COL21A1: variants seen among roughly 807,000 people sequenced by gnomAD.
COL21A1 encodes collagen type XXI alpha 1 chain.
COL21A1 carries 149 observed loss-of-function variants against 137.9 expected under a neutral mutation model. The observed-to-expected ratio is 1.08, with a 90% CI of 0.95 to 1.24. The LOEUF (loss-of-function observed/expected upper bound fraction) is 1.24, where lower values mean the gene tolerates loss of function less well. COL21A1 is among the 50% of genes most tolerant of loss of function. The pLI is 0.00. For missense variants in COL21A1, 1,167 were observed against 1,158.4 expected (o/e 1.01, Z -0.11); for synonymous variants, 456 against 391.5 (o/e 1.16, Z -1.95).
chr6:56,222,269 G>A (rs575735049), intron 1 of COL21A1, among the ~76,000 whole-genome samples: 18 of 151,174 alleles, frequency 1.2e-4, no homozygotes, highest in South Asian at 8.3e-4. Context: ...GTGAAATTCC[G>A]TCTCAAAAAA....
chr6:56,186,925 C>A (rs535269644), intron 1 of COL21A1, among the ~76,000 whole-genome samples: 34 of 152,178 alleles, frequency 2.2e-4, no homozygotes, highest in Middle Eastern at 3.4e-3. Context: ...ATATAAAATG[C>A]AAATGATTTT....
intron 1 of COL21A1, among the ~76,000 whole-genome samples, chr6:56,237,075 G>A (rs948229504): frequency 8.6e-5 from 13 of 151,768 alleles, no homozygotes; most frequent in African/African-American, 2.4e-4. Context: ...CTGTTTTTAC[G>A]TGAGAACCTA....
At chr6:56,223,378 A>G (rs917850504) in intron 1 of COL21A1, among the ~76,000 whole-genome samples, 24 of 152,130 alleles carry the variant, frequency 1.6e-4, no homozygotes, top group Admixed American at 1.3e-4. Context: ...GGATGCCATA[A>G]GTAATATCCT....
Position 56,166,991 on chromosome 6 carries a change from C to T in COL21A1, c.1201-8G>A, listed in dbSNP as rs1484825340. The T allele has an allele frequency of 5.6e-6, 9 of 1,604,930 alleles. No individual in the cohort carries two copies. The highest frequency in any genetic ancestry group is 7.7e-6 in the Non-Finnish European group (9 of 1,174,302). ...CAACTTTTGGACATCAAACTAAGAA[C>T]ATAAACCCAGTAGAATTAAAGTTGA... On this transcript the variant is annotated splice_region_variant and splice_polypyrimidine_tract_variant and intron_variant, in intron 6 of 29. Coordinates refer to ENST00000244728, the MANE Select transcript of COL21A1 (RefSeq NM_030820.4).
intron 1 of COL21A1, among the ~76,000 whole-genome samples, chr6:56,273,981 A>T (rs578102617): frequency 6.6e-6 from 1 of 152,196 alleles, no homozygotes; most frequent in African/African-American, 2.4e-5. Context: ...AAAATCCTCA[A>T]AAAAATGCTA....
At chr6:56,094,975 A>G (rs1459592334) in intron 17 of COL21A1, among the ~76,000 whole-genome samples, 1 of 152,122 alleles carries the variant, frequency 6.6e-6, no homozygotes, top group Non-Finnish European at 1.5e-5. Context: ...TCCAAATAAA[A>G]CCATATTTAC....
intron 1 of COL21A1, among the ~76,000 whole-genome samples, chr6:56,307,156 G>C (rs558601623): frequency 1.6e-4 from 25 of 152,322 alleles, no homozygotes; most frequent in Admixed American, 1.3e-3. Context: ...TCCCAGTTAG[G>C]CAACTTGGGG....
intron 3 of COL21A1, among the ~76,000 whole-genome samples, chr6:56,172,634 T>C (rs909506280): frequency 1.3e-4 from 20 of 152,244 alleles, no homozygotes; most frequent in Middle Eastern, 3.4e-3. Flanking sequence ...ACACACAATA[T>C]TATAATACTG....
intron 1 of COL21A1, among the ~76,000 whole-genome samples, chr6:56,368,545 C>T (rs1056481060): frequency 6.6e-6 from 1 of 152,176 alleles, no homozygotes; most frequent in African/African-American, 2.4e-5. Context: ...AGGGCAGTGA[C>T]CACTTTGTTA....
At chr6:56,246,421 A>G (rs58278562) in intron 1 of COL21A1, among the ~76,000 whole-genome samples, 3,299 of 152,120 alleles carry the variant, frequency 0.022, 125 homozygotes, top group African/African-American at 0.076. Flanking sequence ...AAATTATTCG[A>G]TGATGCTTAA....
chr6:56,367,772 T>A (rs907449729), intron 1 of COL21A1, among the ~76,000 whole-genome samples: 3 of 152,358 alleles, frequency 2.0e-5, no homozygotes, highest in Admixed American at 1.3e-4. Flanking sequence ...TGGAGTGCAG[T>A]GGAGGAATCA....
intron 10 of COL21A1, among the ~76,000 whole-genome samples, chr6:56,150,474 C>T (rs1263658382): frequency 1.3e-5 from 2 of 151,520 alleles, no homozygotes; most frequent in East Asian, 2.0e-4. Context: ...GCCGAGAGCG[C>T]GCCACTGCGC....
At chr6:56,064,929 T>A (rs912463421) in intron 23 of COL21A1, among the ~76,000 whole-genome samples, 2 of 152,058 alleles carry the variant, frequency 1.3e-5, no homozygotes, top group Admixed American at 1.3e-4. Flanking sequence ...GGAAAATAGT[T>A]TAAAAAGTCA....
chr6:56,119,494 A>G (rs1181219452), intron 16 of COL21A1, among the ~76,000 whole-genome samples: 1 of 152,204 alleles, frequency 6.6e-6, no homozygotes, highest in Non-Finnish European at 1.5e-5. Context: ...AAAGGAATTT[A>G]CAGATTCAAT....
intron 1 of COL21A1, among the ~76,000 whole-genome samples, chr6:56,244,646 C>T (rs1782540936): frequency 6.6e-6 from 1 of 152,014 alleles, no homozygotes; most frequent in Non-Finnish European, 1.5e-5. Flanking sequence ...TGCTTAGATG[C>T]CGGAACTTGC....
chr6:56,375,847 A>C (rs374432831), intron 1 of COL21A1, among the ~76,000 whole-genome samples: 1 of 152,176 alleles, frequency 6.6e-6, no homozygotes, highest in East Asian at 1.9e-4. Flanking sequence ...AGGGTAGCAG[A>C]CATATTGCAT....
intron 1 of COL21A1, among the ~76,000 whole-genome samples, chr6:56,235,987 G>T (rs1781872513): frequency 6.6e-6 from 1 of 151,992 alleles, no homozygotes; most frequent in Non-Finnish European, 1.5e-5. Flanking sequence ...GGTCTTAGCT[G>T]ATACCAAATT....
intron 17 of COL21A1, among the ~76,000 whole-genome samples, chr6:56,098,684 T>TAA (rs1167770118): frequency 2.2e-5 from 2 of 91,488 alleles, no homozygotes; most frequent in African/African-American, 9.1e-5. Flanking sequence ...TATAAATATA[T>TAA]ATAAATATAT....
chr6:56,069,133 A>G lies in COL21A1; in HGVS notation c.2020-16T>C. ...CTGGTTCTCCCTATGTAACACAGAA[A>G]TTCCAGAAAGATCACAGATCTACTG... On this transcript the variant is annotated splice_polypyrimidine_tract_variant and intron_variant, in intron 21 of 29. Coordinates refer to ENST00000244728, the MANE Select transcript of COL21A1 (RefSeq NM_030820.4). The G allele has an allele frequency of 6.4e-7, 1 of 1,572,118 alleles. No homozygotes were observed. The highest frequency in any genetic ancestry group is 8.7e-7 in the Non-Finnish European group (1 of 1,153,572).
Sources: allele counts gnomAD v4.1 joint callset (sites outside exome capture counted in the v4.1 genomes callset), GRCh38; gene constraint gnomAD v4.1.1; transcripts MANE v1.5; gene names NCBI Gene and HGNC (gene_info 2026-07-23, HGNC 2026-07-21).